CSMD1: variants seen among roughly 807,000 people sequenced by gnomAD.
CSMD1 encodes CUB and sushi domain-containing protein 1.
A neutral mutation model predicts 417.5 loss-of-function variants in CSMD1; 213 were observed. The ratio of observed to expected loss-of-function variants is 0.51; its 90% CI spans 0.46 to 0.57. CSMD1 has a LOEUF of 0.57. Among genes scored for constraint, CSMD1 ranks in the 20% least tolerant of loss-of-function variants. CSMD1 has a pLI of 0.00. For synonymous variants in CSMD1, 2,862 were observed against 1,736.8 expected, an observed-to-expected ratio of 1.65 and a Z score of -16.11; for missense variants, 6,923 against 4,529.7, an observed-to-expected ratio of 1.53 and a Z score of -15.17.
intron 3 of CSMD1, among the ~76,000 whole-genome samples, chr8:4,339,112 C>G (rs903457166): frequency 6.6e-6 from 1 of 152,058 alleles, no homozygotes; most frequent in African/African-American, 2.4e-5. Context: ...GAGCTCATCT[C>G]TGAGGCAGAA....
intron 12 of CSMD1, among the ~76,000 whole-genome samples, chr8:3,439,865 T>C (rs1451892360): frequency 6.6e-6 from 1 of 152,214 alleles, no homozygotes; most frequent in Non-Finnish European, 1.5e-5. Context: ...GGCACATTTT[T>C]GGCCTATGTA....
chr8:3,889,612 C>T (rs1806816795), intron 5 of CSMD1, among the ~76,000 whole-genome samples: 2 of 150,520 alleles, frequency 1.3e-5, no homozygotes, highest in African/African-American at 2.4e-5. Context: ...CATAAGTTCA[C>T]TCAGCTGACA....
chr8:4,407,536 G>A (rs1207287976), intron 3 of CSMD1, among the ~76,000 whole-genome samples: 1 of 152,116 alleles, frequency 6.6e-6, no homozygotes, highest in African/African-American at 2.4e-5. Context: ...TCAGAGTACA[G>A]ATATCTTGTG....
intron 1 of CSMD1, among the ~76,000 whole-genome samples, chr8:4,972,879 T>C (rs1810326929): frequency 6.6e-6 from 1 of 152,136 alleles, no homozygotes; most frequent in African/African-American, 2.4e-5. Flanking sequence ...ACCTGCTAAA[T>C]GAACATAGGT....
At chr8:4,612,819 A>C (rs1801253464) in intron 2 of CSMD1, among the ~76,000 whole-genome samples, 1 of 152,208 alleles carries the variant, frequency 6.6e-6, no homozygotes, top group Admixed American at 6.5e-5. Context: ...CCTGGCTTTG[A>C]CAGAATTTAA....
chr8:3,956,005 G>C (rs1189127254), intron 5 of CSMD1, among the ~76,000 whole-genome samples: 1 of 152,168 alleles, frequency 6.6e-6, no homozygotes. Context: ...ATATTGGCCA[G>C]GATGGTCTCG....
chr8:3,766,394 G>T (rs1798268220), intron 5 of CSMD1, among the ~76,000 whole-genome samples: 1 of 152,140 alleles, frequency 6.6e-6, no homozygotes, highest in African/African-American at 2.4e-5. Flanking sequence ...CCAAGTGCCT[G>T]TTTCTAACCC....
At chr8:4,300,516 C>G (rs965981404) in intron 3 of CSMD1, among the ~76,000 whole-genome samples, 6 of 152,030 alleles carry the variant, frequency 3.9e-5, no homozygotes, top group Non-Finnish European at 8.8e-5. Context: ...AGGAAATGTC[C>G]TTTACAGACT....
intron 1 of CSMD1, among the ~76,000 whole-genome samples, chr8:4,702,780 G>A (rs1359692400): frequency 3.3e-5 from 5 of 152,136 alleles, no homozygotes; most frequent in Non-Finnish European, 5.9e-5. Context: ...GCGGGAAAAT[G>A]TTAGGTAGCA....
chr8:4,278,260 A>C (rs1270066554), intron 3 of CSMD1, among the ~76,000 whole-genome samples: 1 of 152,134 alleles, frequency 6.6e-6, no homozygotes, highest in African/African-American at 2.4e-5. Flanking sequence ...ATTCAGTTTA[A>C]TTTTCAATGG....
intron 5 of CSMD1, among the ~76,000 whole-genome samples, chr8:3,860,943 A>T (rs368324345): frequency 3.9e-5 from 6 of 152,234 alleles, no homozygotes; most frequent in Non-Finnish European, 1.5e-5. Context: ...TATATTTTCT[A>T]GTTGATATAC....
chr8:3,960,431 C>G (rs904178226), intron 5 of CSMD1, among the ~76,000 whole-genome samples: 1 of 152,076 alleles, frequency 6.6e-6, no homozygotes, highest in Non-Finnish European at 1.5e-5. Context: ...TCCCTCAATG[C>G]TAGTGAGAAA....
intron 6 of CSMD1, among the ~76,000 whole-genome samples, chr8:3,712,864 G>A (rs75574482): frequency 6.6e-6 from 1 of 152,094 alleles, no homozygotes; most frequent in Non-Finnish European, 1.5e-5. Context: ...GACCTGGGGA[G>A]ATGCTGGTCA....
chr8:4,082,106 G>C (rs1444670095), intron 3 of CSMD1, among the ~76,000 whole-genome samples: 1 of 152,110 alleles, frequency 6.6e-6, no homozygotes, highest in East Asian at 1.9e-4. Context: ...AGAAAAAGAA[G>C]AGATATGTAT....
intron 2 of CSMD1, among the ~76,000 whole-genome samples, chr8:4,521,399 C>T (rs143789198): frequency 1.4e-3 from 207 of 152,080 alleles, no homozygotes; most frequent in African/African-American, 4.6e-3. Context: ...AACAAAACAT[C>T]GATAATAGCC....
At chr8:3,629,271 A>C (rs1796655007) in intron 7 of CSMD1, among the ~76,000 whole-genome samples, 1 of 151,592 alleles carries the variant, frequency 6.6e-6, no homozygotes, top group African/African-American at 2.4e-5. Flanking sequence ...CCCTTTCTGA[A>C]TAAGATGCTT....
At chr8:4,149,219 C>G (rs1246293972) in intron 3 of CSMD1, among the ~76,000 whole-genome samples, 2 of 152,094 alleles carry the variant, frequency 1.3e-5, no homozygotes, top group Non-Finnish European at 2.9e-5. Flanking sequence ...CCACCTCGGC[C>G]TCCCAAACTG....
chr8:3,640,150 C>T (rs553329174), intron 7 of CSMD1, among the ~76,000 whole-genome samples: 6 of 152,254 alleles, frequency 3.9e-5, no homozygotes, highest in East Asian at 1.9e-4. Context: ...CGTAAGACTT[C>T]GCTCTGAGAA....
At chr8:4,643,972 G>A (rs548438014) in intron 1 of CSMD1, among the ~76,000 whole-genome samples, 3 of 152,170 alleles carry the variant, frequency 2.0e-5, no homozygotes, top group Non-Finnish European at 4.4e-5. Context: ...AGCGCCCTAG[G>A]GTACTTGGTT....
Sources: allele counts gnomAD v4.1 joint callset (sites outside exome capture counted in the v4.1 genomes callset), GRCh38; gene constraint gnomAD v4.1.1; transcripts MANE v1.5; gene names NCBI Gene and HGNC (gene_info 2026-07-23, HGNC 2026-07-21).